Variants in SETBP1 observed in about 807,000 individuals in gnomAD.
SETBP1 encodes SET-binding protein.
In SETBP1, 9 loss-of-function variants were observed where a neutral mutation model predicts 101.0. The ratio of observed to expected loss-of-function variants is 0.09; its 90% CI spans 0.05 to 0.16. SETBP1 has a LOEUF of 0.16. Ranked by LOEUF, SETBP1 falls within the 10% of genes least tolerant of loss-of-function variation. SETBP1 has a pLI of 1.00. For synonymous variants in SETBP1, 818 were observed against 788.5 expected (o/e 1.04, Z -0.63); for missense variants, 1,858 against 2,033.8 (o/e 0.91, Z 1.66).
chr18:44,964,168 G>A (rs1329020637), intron 4 of SETBP1, among the ~76,000 whole-genome samples: 2 of 152,010 alleles, frequency 1.3e-5, no homozygotes, highest in African/African-American at 4.8e-5. Context: ...AGACCAATAG[G>A]CAAAAAAGGT....
At chr18:44,707,545 A>G (rs2069248530) in intron 2 of SETBP1, among the ~76,000 whole-genome samples, 1 of 152,164 alleles carries the variant, frequency 6.6e-6, no homozygotes, top group Non-Finnish European at 1.5e-5. Context: ...CACATTCAGG[A>G]TTTGTCTTGG....
intron 5 of SETBP1, among the ~76,000 whole-genome samples, chr18:45,053,617 A>G (rs1242685405): frequency 6.6e-6 from 1 of 152,234 alleles, no homozygotes; most frequent in East Asian, 1.9e-4. Context: ...AGACCAGGAA[A>G]AAAACAAAAC....
At chr18:44,949,226 C>A (rs553771381) in intron 3 of SETBP1, among the ~76,000 whole-genome samples, 1 of 152,160 alleles carries the variant, frequency 6.6e-6, no homozygotes, top group East Asian at 1.9e-4. Context: ...TTTTCCCATG[C>A]AGGCTTCATA....
chr18:44,726,764 A>G (rs1398427128), intron 2 of SETBP1, among the ~76,000 whole-genome samples: 1 of 152,226 alleles, frequency 6.6e-6, no homozygotes. Context: ...GCCTCAAGCC[A>G]CACAACTGTG....
At chr18:44,864,660 C>A (rs1460205383) in intron 2 of SETBP1, among the ~76,000 whole-genome samples, 2 of 152,098 alleles carry the variant, frequency 1.3e-5, no homozygotes, top group Non-Finnish European at 2.9e-5. Flanking sequence ...CCTTCCTTTG[C>A]CTTTTAAATG....
At chr18:44,784,678 G>A (rs766256534) in intron 2 of SETBP1, among the ~76,000 whole-genome samples, 5 of 152,090 alleles carry the variant, frequency 3.3e-5, no homozygotes, top group Non-Finnish European at 4.4e-5. Context: ...CTTGCTCTAC[G>A]TTGTATACCA....
At chr18:44,936,117 A>G (rs1049081167) in intron 3 of SETBP1, among the ~76,000 whole-genome samples, 2 of 152,210 alleles carry the variant, frequency 1.3e-5, no homozygotes, top group Non-Finnish European at 2.9e-5. Flanking sequence ...TTCCTACTGC[A>G]GAATGTATCT....
At chr18:44,975,718 T>C (rs1451812949) in intron 4 of SETBP1, among the ~76,000 whole-genome samples, 3 of 152,334 alleles carry the variant, frequency 2.0e-5, no homozygotes, top group Non-Finnish European at 4.4e-5. Flanking sequence ...GATCTATCTA[T>C]AAAGGAAAAG....
At chr18:45,022,053 T>C (rs1381109784) in intron 4 of SETBP1, among the ~76,000 whole-genome samples, 1 of 152,204 alleles carries the variant, frequency 6.6e-6, no homozygotes, top group Non-Finnish European at 1.5e-5. Flanking sequence ...CGAAAGTGTC[T>C]TAAAATTGCT....
chr18:44,899,741 T>C (rs2069996394), intron 3 of SETBP1, among the ~76,000 whole-genome samples: 1 of 152,214 alleles, frequency 6.6e-6, no homozygotes, highest in South Asian at 2.1e-4. Flanking sequence ...TATGTGCCCT[T>C]GGACAAATTA....
At chr18:45,036,396 C>T (rs2073399354) in intron 4 of SETBP1, among the ~76,000 whole-genome samples, 1 of 151,728 alleles carries the variant, frequency 6.6e-6, no homozygotes, top group Admixed American at 6.6e-5. Flanking sequence ...TCTCTGAGCT[C>T]TCCTTCCTCA....
At chr18:44,856,889 T>C (rs769248525) in intron 2 of SETBP1, among the ~76,000 whole-genome samples, 3 of 152,218 alleles carry the variant, frequency 2.0e-5, no homozygotes, top group Non-Finnish European at 4.4e-5. Flanking sequence ...TGTTCTTCTT[T>C]CCTGGAGCCA....
At chr18:45,048,941 C>T (rs1322077785) in intron 5 of SETBP1, among the ~76,000 whole-genome samples, 4 of 133,510 alleles carry the variant, frequency 3.0e-5, no homozygotes, top group East Asian at 2.1e-4. Context: ...CACTGCAGTC[C>T]GCAGTCCGGC....
Position 45,000,793 on chromosome 18 carries a change from A to AACACACACACACACAC in SETBP1, c.4001-37675_4001-37660dup, listed in dbSNP as rs113870439. ...GCCATACATCAACGGGAATGCACAC[A>AACACACACACACACAC]ACACACACACACACACACACACACA... On this transcript the variant is annotated intron_variant, in intron 4 of 5. Transcript: ENST00000649279. Among the ~76,000 whole-genome samples the AACACACACACACACAC allele has an allele frequency of 1.6e-3, 232 of 146,800 alleles. 2 individuals carry two copies. The highest frequency in any genetic ancestry group is 5.3e-3 in the African/African-American group (212 of 39,656).
At chr18:45,012,520 G>A (rs975924589) in intron 4 of SETBP1, among the ~76,000 whole-genome samples, 2 of 152,182 alleles carry the variant, frequency 1.3e-5, no homozygotes, top group African/African-American at 4.8e-5. Flanking sequence ...GCATGTGAAA[G>A]ATGCATTCTC....
chr18:44,869,993 A>G (rs548288401), intron 3 of SETBP1: 1 of 158,900 alleles, frequency 6.3e-6, no homozygotes, highest in Non-Finnish European at 1.4e-5. Context: ...GAACATGTAC[A>G]TAAAGAAAGA....
At chr18:45,053,029 A>G (rs1288412865) in intron 5 of SETBP1, among the ~76,000 whole-genome samples, 1 of 152,144 alleles carries the variant, frequency 6.6e-6, no homozygotes, top group East Asian at 1.9e-4. Context: ...ACCCAATTCC[A>G]CATAGCCTTG....
intron 4 of SETBP1, among the ~76,000 whole-genome samples, chr18:45,003,170 C>A (rs1375767184): frequency 6.6e-6 from 1 of 152,130 alleles, no homozygotes; most frequent in Non-Finnish European, 1.5e-5. Context: ...TCAGAGAAAA[C>A]CCTCATCCTC....
At chr18:44,742,977 CTG>C (rs2070134464) in intron 2 of SETBP1, among the ~76,000 whole-genome samples, 2 of 132,994 alleles carry the variant, frequency 1.5e-5, no homozygotes, top group South Asian at 2.5e-4. Context: ...CTCTCCCCCC[CTG>C]TCCCGTTACC....
Sources: gnomAD v4.1 joint callset for allele counts (sites outside exome capture counted in the v4.1 genomes callset) on GRCh38, gnomAD v4.1.1 for gene constraint, MANE v1.5 for transcripts, NCBI Gene and HGNC (gene_info 2026-07-23, HGNC 2026-07-21) for gene names.